LDLRAD4: variants seen among roughly 807,000 people sequenced by gnomAD.
The protein encoded by LDLRAD4 is low density lipoprotein receptor class A domain containing 4, also known as low-density lipoprotein receptor class A domain-containing protein 4.
A neutral mutation model predicts 17.0 loss-of-function variants in LDLRAD4; 5 were observed. The ratio of observed to expected loss-of-function variants is 0.29; its 90% CI spans 0.15 to 0.62. The LOEUF (loss-of-function observed/expected upper bound fraction) is 0.62. Among genes scored for constraint, LDLRAD4 ranks in the 20% least tolerant of loss-of-function variants. LDLRAD4 has a pLI of 0.84. For synonymous variants in LDLRAD4, 168 were observed against 171.8 expected (o/e 0.98, Z 0.17); for missense variants, 340 against 424.7 (o/e 0.80, Z 1.75).
At chr18:13,386,930 AGATAGATAGATAGATAGATGGATGGATG>A (rs201110297) in intron 1 of LDLRAD4, among the ~76,000 whole-genome samples, 2,374 of 147,836 alleles carry the variant, frequency 0.016, 53 homozygotes, top group Admixed American at 0.051. Flanking sequence ...ATAGATAGAT[AGATAGATAGATAGATAGATGGATGGATG>A]GATAGATAAG....
At chr18:13,561,469 G>C (rs1396352848) in intron 3 of LDLRAD4, 1 of 152,180 alleles carries the variant, frequency 6.6e-6, no homozygotes. Flanking sequence ...ATAATTAAGA[G>C]ATATTTCAAG....
chr18:13,282,806 T>G (rs923682915), intron 1 of LDLRAD4, among the ~76,000 whole-genome samples: 2 of 152,212 alleles, frequency 1.3e-5, no homozygotes, highest in Non-Finnish European at 2.9e-5. Flanking sequence ...GGACTCTGTG[T>G]GGGGGCTCCC....
chr18:13,642,651 C>T (rs1568446288), intron 4 of LDLRAD4: 2 of 1,230,994 alleles, frequency 1.6e-6, no homozygotes, highest in African/African-American at 1.6e-5. Flanking sequence ...AGGGCACGGG[C>T]GGGCCCCGGG....
intron 3 of LDLRAD4, chr18:13,616,254 G>GGGC (rs2040060129): frequency 1.2e-4 from 3 of 24,744 alleles, no homozygotes; most frequent in African/African-American, 2.0e-4. Flanking sequence ...GGACAGGTGG[G>GGGC]GGGGGGGGGG....
In LDLRAD4 at chr18:13,249,385, T is replaced by C. The variant is rs1306602380; in HGVS notation, c.-466-28720T>C. 2.6e-5 allele frequency among the ~76,000 whole-genome samples: 4 copies of C among 152,220 alleles called. No homozygotes were observed. The East Asian group carries it at 7.7e-4, about 29-fold the overall frequency. On this transcript the variant is annotated intron_variant, in intron 1 of 5. Transcript: ENST00000399848. ...CACCAACAGTGTGTAACAGTTCCCT[T>C]TCTCTGCATCCACACCAACATTTAT...
intron 3 of LDLRAD4, among the ~76,000 whole-genome samples, chr18:13,593,165 T>C (rs188236797): frequency 2.3e-4 from 35 of 152,158 alleles, no homozygotes; most frequent in African/African-American, 8.4e-4. Context: ...GTACATAAAT[T>C]AGCCGGACAT....
chr18:13,256,252 A>T (rs2043496630), intron 1 of LDLRAD4, among the ~76,000 whole-genome samples: 1 of 152,182 alleles, frequency 6.6e-6, no homozygotes, highest in South Asian at 2.1e-4. Flanking sequence ...GGCTTGGGTG[A>T]ATCTAAAAGC....
At chr18:13,528,431 GC>G (rs1568301338) in intron 3 of LDLRAD4, among the ~76,000 whole-genome samples, 1 of 152,162 alleles carries the variant, frequency 6.6e-6, no homozygotes, top group Non-Finnish European at 1.5e-5. Flanking sequence ...TTCTGCCTCA[GC>G]CTCCTGAGTA....
chr18:13,464,783 C>T (rs1345852452), intron 3 of LDLRAD4, among the ~76,000 whole-genome samples: 1 of 126,758 alleles, frequency 7.9e-6, no homozygotes. Flanking sequence ...CCTTCAGCCC[C>T]CACCCCCACC....
chr18:13,349,791 A>AC (rs1158186556), intron 1 of LDLRAD4, among the ~76,000 whole-genome samples: 11 of 130,756 alleles, frequency 8.4e-5, no homozygotes, highest in Non-Finnish European at 1.6e-4. Flanking sequence ...CTCACCCCCC[A>AC]CCCCCCAACT....
chr18:13,427,197 A>G (rs774442315), intron 2 of LDLRAD4, among the ~76,000 whole-genome samples: 3 of 148,456 alleles, frequency 2.0e-5, no homozygotes, highest in Non-Finnish European at 4.5e-5. Context: ...TAAATAAATA[A>G]ACAAACAAAT....
chr18:13,585,725 A>G (rs889079534), intron 3 of LDLRAD4, among the ~76,000 whole-genome samples: 9 of 152,350 alleles, frequency 5.9e-5, no homozygotes, highest in African/African-American at 2.2e-4. Flanking sequence ...CACAATTGCT[A>G]CATCAACCAA....
chr18:13,536,587 C>G (rs576708762), intron 3 of LDLRAD4, among the ~76,000 whole-genome samples: 13 of 151,750 alleles, frequency 8.6e-5, no homozygotes, highest in Non-Finnish European at 1.9e-4. Context: ...TCTTTTTTTC[C>G]CAGCCTGTAT....
rs146242525 is a variant in LDLRAD4 at position 13,516,535 on chromosome 18, C to T, written c.181+78151C>T. On this transcript the variant is annotated intron_variant, in intron 3 of 5. Coordinates refer to ENST00000359446, the Ensembl canonical transcript of LDLRAD4. ...CCCTCCTTCACAAATGTGTGTACAT[C>T]GTGTGGCTCTTTATTGCTAGGGTGG... Among the ~76,000 whole-genome samples, 11 of 152,322 alleles carry T rather than the reference C, an allele frequency of 7.2e-5. No individual in the cohort carries two copies. In the East Asian group the frequency reaches 1.9e-3, roughly 27 times the overall value.
chr18:13,418,833 C>G (rs551858286), intron 2 of LDLRAD4, among the ~76,000 whole-genome samples: 99 of 152,318 alleles, frequency 6.5e-4, no homozygotes, highest in African/African-American at 2.3e-3. Context: ...GCCGCCACAC[C>G]TGGTTCCCAC....
At chr18:13,374,550 A>G (rs2084759524) in intron 1 of LDLRAD4, among the ~76,000 whole-genome samples, 1 of 152,194 alleles carries the variant, frequency 6.6e-6, no homozygotes, top group African/African-American at 2.4e-5. Flanking sequence ...ATTTGCAGGC[A>G]CCTTAATCTC....
At position 13,613,860 on chromosome 18, in the gene LDLRAD4, C is replaced by T. The variant is rs375160702; in HGVS notation, c.182-7257C>T. ...TCACACCTGCCCTCCACGTTCATCT[C>T]TCCACCTACAGATCATAGGGACCGT... On this transcript the variant is annotated intron_variant, in intron 3 of 5. Transcript: ENST00000359446. The T allele has an allele frequency of 8.5e-5, 13 of 152,434 alleles. 1 individual carries two copies. In the East Asian group the frequency reaches 2.1e-3, roughly 25 times the overall value. 9.4% of individuals were successfully genotyped at this position (152,434 alleles called of 1,614,324 possible).
At chr18:13,611,858 T>C in intron 3 of LDLRAD4, 3 of 985,354 alleles carry the variant, frequency 3.0e-6, no homozygotes, top group Non-Finnish European at 3.6e-6. Flanking sequence ...AGTACAGAGC[T>C]CGGTGGCAAG....
chr18:13,586,641 C>T (rs896965960), intron 3 of LDLRAD4, among the ~76,000 whole-genome samples: 2 of 151,704 alleles, frequency 1.3e-5, no homozygotes, highest in Non-Finnish European at 1.5e-5. Flanking sequence ...AGGGGGGAAT[C>T]GTTGAGAGGC....
Sources: gnomAD v4.1 joint callset for allele counts (sites outside exome capture counted in the v4.1 genomes callset) on GRCh38, gnomAD v4.1.1 for gene constraint, MANE v1.5 for transcripts, NCBI Gene and HGNC (gene_info 2026-07-23, HGNC 2026-07-21) for gene names.